The following STIM1 variants were observed in gnomAD, a reference collection of about 807,000 sequenced individuals.
The protein encoded by STIM1 is stromal interaction molecule 1.
A neutral mutation model predicts 74.7 loss-of-function variants in STIM1; 25 were observed. That is an observed-to-expected ratio of 0.33 (90% confidence interval 0.24 to 0.47). The LOEUF is 0.47. STIM1 is among the 20% of genes least tolerant of loss of function. The probability of loss-of-function intolerance (pLI) is 1.00; values close to 1 mark genes in which losing one functional copy is unlikely to be tolerated. For synonymous variants in STIM1, 328 were observed against 348.8 expected, an observed-to-expected ratio of 0.94 and a Z score of 0.66; for missense variants, 728 against 920.8, an observed-to-expected ratio of 0.79 and a Z score of 2.71.
At chr11:3,978,818 T>C (rs182943879) in intron 2 of STIM1, among the ~76,000 whole-genome samples, 1 of 152,150 alleles carries the variant, frequency 6.6e-6, no homozygotes, top group East Asian at 1.9e-4. Flanking sequence ...TGTTTTTCAT[T>C]GTCCCATCCA....
intron 1 of STIM1, among the ~76,000 whole-genome samples, chr11:3,906,173 T>C (rs557328954): frequency 2.0e-5 from 3 of 152,382 alleles, no homozygotes; most frequent in African/African-American, 7.2e-5. Flanking sequence ...GAGGAATTGC[T>C]GAGCTGTAGG....
intron 1 of STIM1, 65 bp downstream of exon 1, chr11:3,856,474 G>A: frequency 6.4e-7 from 1 of 1,566,060 alleles, no homozygotes. Context: ...GGCCCGAAGT[G>A]GGCAAGTTGA....
chr11:3,923,416 C>T (rs1036767695), intron 1 of STIM1, among the ~76,000 whole-genome samples: 1 of 151,982 alleles, frequency 6.6e-6, no homozygotes, highest in African/African-American at 2.4e-5. Context: ...TGAGACCAGC[C>T]TGGGCAACAT....
chr11:3,955,400 A>G (rs1480959233), intron 1 of STIM1, among the ~76,000 whole-genome samples: 2 of 152,188 alleles, frequency 1.3e-5, no homozygotes, highest in African/African-American at 2.4e-5. Context: ...TTCATGCCTC[A>G]TTTTTATAAG....
At chr11:3,864,275 A>G (rs1224413602) in intron 1 of STIM1, among the ~76,000 whole-genome samples, 1 of 152,240 alleles carries the variant, frequency 6.6e-6, no homozygotes, top group African/African-American at 2.4e-5. Context: ...GGTGTATAAC[A>G]AATTATGCCA....
At chr11:4,029,256 T>C (rs2094026510) in intron 3 of STIM1, among the ~76,000 whole-genome samples, 1 of 151,952 alleles carries the variant, frequency 6.6e-6, no homozygotes, top group Non-Finnish European at 1.5e-5. Context: ...CAGATCTCCT[T>C]TTCTGTCTGT....
chr11:3,906,726 G>A (rs2092471276), intron 1 of STIM1, among the ~76,000 whole-genome samples: 1 of 152,172 alleles, frequency 6.6e-6, no homozygotes, highest in Non-Finnish European at 1.5e-5. Context: ...GATAGTACCA[G>A]TGCCTGTTCA....
At chr11:4,050,651 G>A (rs973233529) in intron 3 of STIM1, among the ~76,000 whole-genome samples, 10 of 152,128 alleles carry the variant, frequency 6.6e-5, no homozygotes, top group Admixed American at 2.0e-4. Flanking sequence ...GGAAAATACA[G>A]TTGAGCCTTA....
At position 3,855,996 on chromosome 11, in the gene STIM1, C is replaced by T; in HGVS notation, c.-275C>T. ...GAGCTGACAGCAGCCCCGCAGCCAC[C>T]CTGCCCGAAGTCTCCGGAAGCGGCA... On this transcript the variant is annotated 5_prime_UTR_variant, in exon 1 of 13. Coordinates refer to ENST00000526596, the MANE Select transcript of STIM1 (RefSeq NM_001382567.1). 2.0e-6 allele frequency: 1 copy of T among 512,788 alleles called. No individual in the cohort carries two copies. The highest frequency in any genetic ancestry group is 3.5e-5 in the East Asian group (1 of 28,482). The allele number at this position is 512,788 out of a possible 1,614,324, so 31.8% of individuals were successfully genotyped here.
At chr11:4,042,584 T>C (rs1260436504) in intron 3 of STIM1, among the ~76,000 whole-genome samples, 3 of 152,154 alleles carry the variant, frequency 2.0e-5, no homozygotes, top group Non-Finnish European at 4.4e-5. Context: ...TATTTTGGAG[T>C]TTGAGACCAC....
chr11:3,872,384 AGT>A (rs2091133646), intron 1 of STIM1, among the ~76,000 whole-genome samples: 1 of 152,128 alleles, frequency 6.6e-6, no homozygotes, highest in South Asian at 2.1e-4. Flanking sequence ...CAACAGGAAA[AGT>A]GTGGCTACAC....
At chr11:4,088,572 G>A in intron 12 of STIM1, 1 of 800,972 alleles carries the variant, frequency 1.2e-6, no homozygotes, top group Non-Finnish European at 2.1e-6. Context: ...ATTGGGTTGG[G>A]GACACTAAGG....
chr11:3,890,488 C>A (rs959352936), intron 1 of STIM1, among the ~76,000 whole-genome samples: 1 of 152,280 alleles, frequency 6.6e-6, no homozygotes, highest in South Asian at 2.1e-4. Context: ...CTGGCCAGTC[C>A]CTTGGACTGA....
intron 1 of STIM1, among the ~76,000 whole-genome samples, chr11:3,871,133 T>C (rs1270913675): frequency 3.9e-5 from 6 of 151,948 alleles, no homozygotes; most frequent in Admixed American, 3.3e-4. Flanking sequence ...TCCCAAAGTG[T>C]TGGGATTACA....
At chr11:4,049,804 C>A (rs1486969073) in intron 3 of STIM1, among the ~76,000 whole-genome samples, 1 of 150,266 alleles carries the variant, frequency 6.7e-6, no homozygotes, top group African/African-American at 2.5e-5. Flanking sequence ...TGCCTGAGAC[C>A]AAATCTTGGC....
intron 2 of STIM1, among the ~76,000 whole-genome samples, chr11:4,006,787 G>A (rs1232035857): frequency 6.6e-6 from 1 of 152,142 alleles, no homozygotes; most frequent in African/African-American, 2.4e-5. Context: ...GATGGGGGTT[G>A]GAGAGCAGCA....
intron 2 of STIM1, among the ~76,000 whole-genome samples, chr11:4,003,804 GT>G (rs1472912639): frequency 2.0e-5 from 3 of 152,182 alleles, no homozygotes; most frequent in Admixed American, 6.6e-5. Flanking sequence ...AATTGTCCCT[GT>G]TTGCAGATGA....
intron 1 of STIM1, among the ~76,000 whole-genome samples, chr11:3,923,089 GA>G (rs1565116686): frequency 7.6e-6 from 1 of 130,784 alleles, no homozygotes; most frequent in East Asian, 2.3e-4. Context: ...GACAGAGCGA[GA>G]CTCCGTCTCA....
intron 2 of STIM1, among the ~76,000 whole-genome samples, chr11:4,012,989 A>AT (rs2093854494): frequency 6.6e-6 from 1 of 151,802 alleles, no homozygotes; most frequent in Non-Finnish European, 1.5e-5. Flanking sequence ...TAATCATGTG[A>AT]TTTTTGTGGT....
Sources: gnomAD v4.1 joint callset for allele counts (sites outside exome capture counted in the v4.1 genomes callset) on GRCh38, gnomAD v4.1.1 for gene constraint, MANE v1.5 for transcripts, NCBI Gene and HGNC (gene_info 2026-07-23, HGNC 2026-07-21) for gene names.